The following PDSS2 variants were observed in gnomAD, a reference collection of about 807,000 sequenced individuals.
PDSS2 encodes decaprenyl diphosphate synthase subunit 2.
A neutral mutation model predicts 44.5 loss-of-function variants in PDSS2; 31 were observed. That is an observed-to-expected ratio of 0.70 (90% CI 0.52 to 0.94). The LOEUF (loss-of-function observed/expected upper bound fraction) is 0.94. Among genes scored for constraint, PDSS2 ranks in the 40% least tolerant of loss-of-function variants. The pLI is 0.00. For missense variants in PDSS2, 452 were observed against 482.2 expected (o/e 0.94, Z 0.59); for synonymous variants, 157 against 180.3 (o/e 0.87, Z 1.03).
At chr6:107,208,315 T>TA (rs1554254064) in intron 6 of PDSS2, among the ~76,000 whole-genome samples, 40 of 111,374 alleles carry the variant, frequency 3.6e-4, no homozygotes, top group African/African-American at 1.0e-3. Flanking sequence ...TTTTTTTTTT[T>TA]AAAGACAGTC....
At chr6:107,250,230 C>CAT (rs928041801) in intron 3 of PDSS2, among the ~76,000 whole-genome samples, 4 of 150,468 alleles carry the variant, frequency 2.7e-5, no homozygotes, top group Non-Finnish European at 5.9e-5. Flanking sequence ...ATGTCTGTAA[C>CAT]ATATTCTTAA....
intron 7 of PDSS2, among the ~76,000 whole-genome samples, chr6:107,181,219 C>T (rs1771963201): frequency 6.6e-6 from 1 of 152,196 alleles, no homozygotes; most frequent in African/African-American, 2.4e-5. Flanking sequence ...AGATTTATAA[C>T]TGCCTATATT....
intron 7 of PDSS2, 71 bp from the exon 8 acceptor site, chr6:107,154,848 G>T: frequency 7.5e-7 from 1 of 1,329,102 alleles, no homozygotes. Context: ...TTAAATTGGG[G>T]AGGGGAGATG....
intron 1 of PDSS2, among the ~76,000 whole-genome samples, chr6:107,439,607 G>C (rs987167362): frequency 6.6e-5 from 10 of 152,198 alleles, no homozygotes; most frequent in African/African-American, 1.2e-4. Flanking sequence ...GTGTACCACT[G>C]TTGCATAACA....
At chr6:107,348,233 CACA>C (rs780002295) in intron 1 of PDSS2, among the ~76,000 whole-genome samples, 1 of 152,282 alleles carries the variant, frequency 6.6e-6, no homozygotes, top group African/African-American at 2.4e-5. Context: ...TTCACATGCA[CACA>C]ACAACTCTGA....
chr6:107,402,554 A>ATATAT (rs1337717601), intron 1 of PDSS2, among the ~76,000 whole-genome samples: 2,572 of 61,734 alleles, frequency 0.042, 46 homozygotes, highest in Non-Finnish European at 0.07. Context: ...TATATATATA[A>ATATAT]AAATATATAT....
At chr6:107,440,533 C>T (rs935898999) in intron 1 of PDSS2, among the ~76,000 whole-genome samples, 1 of 152,210 alleles carries the variant, frequency 6.6e-6, no homozygotes, top group Non-Finnish European at 1.5e-5. Context: ...GGGTACTGGA[C>T]ATGGCACTTC....
rs558069539 is a variant in PDSS2 at position 107,175,763 on chromosome 6, A to G, written c.1041+18059T>C. On this transcript the variant is annotated intron_variant, in intron 7 of 7. Transcript: ENST00000369037. ...AATTTTCCACATTTTCTGCTAAGAA[A>G]AAGGTCATGCATATCTCAATTGATT... Among the ~76,000 whole-genome samples the G allele has an allele frequency of 2.6e-5, 4 of 152,320 alleles. No individual in the cohort carries two copies. In the East Asian group the frequency reaches 7.7e-4, roughly 29 times the overall value.
At chr6:107,391,012 G>T (rs1779762132) in intron 1 of PDSS2, among the ~76,000 whole-genome samples, 1 of 150,812 alleles carries the variant, frequency 6.6e-6, no homozygotes, top group African/African-American at 2.4e-5. Flanking sequence ...ACAAAATAAT[G>T]CTTCAAATAA....
rs547247916 is a variant in PDSS2, at chr6:107,259,114, C to T, written c.631-13495G>A. ...ATTAAATGGGTTAATATAGATAAAGCACTTAAAACAGTGCCTACCGTATAG... is the reference window on the plus strand; with the variant it reads ...ATTAAATGGGTTAATATAGATAAAGTACTTAAAACAGTGCCTACCGTATAG... On this transcript the variant is annotated intron_variant, in intron 3 of 7. Coordinates refer to ENST00000369037, the MANE Select transcript of PDSS2 (RefSeq NM_020381.4). Among the ~76,000 whole-genome samples the T allele has an allele frequency of 7.2e-5, 11 of 152,248 alleles. No homozygotes were observed. In the East Asian group the frequency reaches 2.1e-3, roughly 29 times the overall value.
intron 1 of PDSS2, among the ~76,000 whole-genome samples, chr6:107,432,563 G>A (rs1279879147): frequency 6.6e-6 from 1 of 152,176 alleles, no homozygotes; most frequent in Admixed American, 6.5e-5. Context: ...GGCCAAGGCA[G>A]GCGGATCACT....
chr6:107,267,588 C>CTTTTTTTTTTTTT (rs55860139), intron 3 of PDSS2, among the ~76,000 whole-genome samples: 1 of 132,380 alleles, frequency 7.6e-6, no homozygotes, highest in African/African-American at 2.8e-5. Context: ...GATTCTCTTT[C>CTTTTTTTTTTTTT]TTTTTTTTTT....
At chr6:107,319,217 T>C (rs1777307795) in intron 2 of PDSS2, among the ~76,000 whole-genome samples, 1 of 152,192 alleles carries the variant, frequency 6.6e-6, no homozygotes, top group South Asian at 2.1e-4. Context: ...AAATGTTTCT[T>C]CTCTTATACC....
At chr6:107,398,113 A>T (rs1265942430) in intron 1 of PDSS2, among the ~76,000 whole-genome samples, 3 of 152,246 alleles carry the variant, frequency 2.0e-5, no homozygotes, top group African/African-American at 7.2e-5. Flanking sequence ...TGGGGATCAG[A>T]TCAAAAAAGA....
chr6:107,368,761 C>A (rs1322316574), intron 1 of PDSS2, among the ~76,000 whole-genome samples: 1 of 152,014 alleles, frequency 6.6e-6, no homozygotes, highest in African/African-American at 2.4e-5. Flanking sequence ...GTGACCATGT[C>A]ACTGCAACTC....
At chr6:107,306,914 A>G (rs886875175) in intron 2 of PDSS2, among the ~76,000 whole-genome samples, 4 of 152,188 alleles carry the variant, frequency 2.6e-5, no homozygotes, top group African/African-American at 7.2e-5. Context: ...TCTTTGTTTC[A>G]GGTCTCAAAT....
intron 1 of PDSS2, among the ~76,000 whole-genome samples, chr6:107,401,044 A>G (rs1321557423): frequency 1.3e-5 from 2 of 152,310 alleles, no homozygotes; most frequent in East Asian, 3.9e-4. Flanking sequence ...CCTGGTTAAC[A>G]AAGGTCAAGT....
rs143121266 is a variant in PDSS2 at position 107,459,009 on chromosome 6, G to C, written c.277C>G (p.Pro93Ala). 1.2e-5 allele frequency: 20 copies of C among 1,614,160 alleles called. No homozygotes were observed. Among genetic ancestry groups the C allele is most frequent in the Non-Finnish European group, 1.4e-5 (17 of 1,180,020 alleles). ...QVRKLVGTQHPLLTTARGLVH... is the reference protein window; with the variant it reads ...QVRKLVGTQHALLTTARGLVH... ...GCTCACCTGGCTGTGGTAAGCAGAGGGTGCTGAGTGCCCACCAGCTTCCGC... is the reference window on the plus strand; with the variant it reads ...GCTCACCTGGCTGTGGTAAGCAGAGCGTGCTGAGTGCCCACCAGCTTCCGC... Residue 93 changes from proline (P) to alanine (A), a missense_variant, in exon 1 of 8, where the codon CCT (proline) becomes GCT (alanine). By Grantham distance (27) the Pro-to-Ala change is conservative. Coordinates refer to ENST00000369037, the MANE Select transcript of PDSS2 (RefSeq NM_020381.4). The surrounding 1 kb of genome is among the most constrained non-coding windows in gnomAD (Gnocchi z 4.3).
At chr6:107,353,062 T>C (rs1202751490) in intron 1 of PDSS2, among the ~76,000 whole-genome samples, 1 of 152,200 alleles carries the variant, frequency 6.6e-6, no homozygotes, top group Non-Finnish European at 1.5e-5. Context: ...ACTATTGTTA[T>C]CCATATAGTC....
Sources: gnomAD v4.1 joint callset for allele counts (sites outside exome capture counted in the v4.1 genomes callset) on GRCh38, gnomAD v4.1.1 for gene constraint, Gnocchi (gnomAD v3.1) non-coding constraint, MANE v1.5 for transcripts, NCBI Gene and HGNC (gene_info 2026-07-23, HGNC 2026-07-21) for gene names.